CNKSR2: variants seen among roughly 807,000 people sequenced by gnomAD.
The protein encoded by CNKSR2 is CNK homolog protein 2.
Under a neutral mutation model 84.4 loss-of-function variants are expected in CNKSR2, and 14 were observed. The observed-to-expected ratio is 0.17, with a 90% CI of 0.11 to 0.26. The LOEUF is 0.26. Among genes scored for constraint, CNKSR2 ranks in the 10% least tolerant of loss-of-function variants. The pLI, the probability that CNKSR2 is intolerant of heterozygous loss-of-function variation, is 1.00. For missense variants in CNKSR2, 485 were observed against 771.2 expected, an observed-to-expected ratio of 0.63 and a Z score of 4.40; for synonymous variants, 275 against 277.9, an observed-to-expected ratio of 0.99 and a Z score of 0.10.
intron 7 of CNKSR2, among the ~76,000 whole-genome samples, chrX:21,500,980 T>C (rs1390286454): frequency 8.9e-6 from 1 of 111,763 alleles, no homozygotes; most frequent in Non-Finnish European, 1.9e-5. Flanking sequence ...ATGAAATAAA[T>C]TAGCAATTTA....
chrX:21,531,806 C>T, intron 10 of CNKSR2, 50 bp from the exon 11 acceptor site: 8 of 890,593 alleles, frequency 9.0e-6, no homozygotes, highest in Non-Finnish European at 1.3e-5. Context: ...CGGCCATTTA[C>T]TACCCTAACA....
rs1041737404 is a variant in CNKSR2 at position 21,447,555 on chromosome X, G to A, written c.519+6774G>A. Among the ~76,000 whole-genome samples, 10 of 111,198 alleles carry A rather than the reference G, an allele frequency of 9.0e-5. No individual in the cohort carries two copies. In the East Asian group the frequency reaches 2.8e-3, roughly 32 times the overall value. On this transcript the variant is annotated intron_variant, in intron 4 of 21. Transcript: ENST00000379510. The stretch of plus-strand genomic sequence containing the variant: ...ATACAGATGTAGAAAGGTGGGTTAG[G>A]CTATTTTTGATCCTCATGAGTGATA...
chrX:21,532,133 A>C, intron 11 of CNKSR2, 66 bp downstream of exon 11: 1 of 875,078 alleles, frequency 1.1e-6, no homozygotes, highest in African/African-American at 2.0e-5. Context: ...AATTTCCTTT[A>C]ATAAGTTTTT....
At chrX:21,494,042 T>C (rs920676390) in intron 6 of CNKSR2, 3 of 111,545 alleles carry the variant, frequency 2.7e-5, no homozygotes, top group Non-Finnish European at 5.6e-5. Flanking sequence ...TTAATATAAA[T>C]TGTACAATGT....
rs779720741 is a variant in CNKSR2, at chrX:21,609,536, G to A, written c.2611G>A (p.Val871Met). ...PVSACDPQDD[V>M]QPPEVEEEEE... Reference sequence around the variant, plus strand: ...TAGTGCCTGTGACCCACAGGATGACGTGCAACCCCCAGAGGTGGAGGAAGA... The same window carrying A: ...TAGTGCCTGTGACCCACAGGATGACATGCAACCCCCAGAGGTGGAGGAAGA... Residue 871 changes from valine (V) to methionine (M), a missense_variant, in exon 20 of 22, where the codon GTG becomes ATG. Val to Met is a conservative substitution (Grantham distance 21, BLOSUM62 1). This residue lies in a region of CNKSR2 where 210 missense variants were observed against 291.5 expected (regional missense o/e 0.72). Coordinates refer to ENST00000379510, the MANE Select transcript of CNKSR2 (RefSeq NM_014927.5). The A allele has an allele frequency of 1.8e-5, 22 of 1,208,564 alleles. No homozygotes were observed. In the Admixed American group the frequency reaches 2.6e-4, roughly 14 times the overall value.
chrX:21,537,761 T>A (rs2147134487), intron 11 of CNKSR2: 1 of 109,685 alleles, frequency 9.1e-6, no homozygotes, highest in African/African-American at 3.3e-5. Flanking sequence ...GTGAGCTTCT[T>A]GTATGCAGTA....
intron 11 of CNKSR2, among the ~76,000 whole-genome samples, chrX:21,536,583 C>T (rs951412326): frequency 2.7e-5 from 3 of 110,013 alleles, no homozygotes; most frequent in Admixed American, 9.7e-5. Flanking sequence ...TTTTATTTCT[C>T]CTTGATTCAA....
chrX:21,513,097 G>A (rs1191617357), intron 8 of CNKSR2, among the ~76,000 whole-genome samples: 2 of 112,124 alleles, frequency 1.8e-5, no homozygotes, highest in East Asian at 2.8e-4. Flanking sequence ...CGATTATTCG[G>A]TAGCTATTAA....
chrX:21,395,619 A>G (rs974137528), intron 1 of CNKSR2, among the ~76,000 whole-genome samples: 4 of 110,871 alleles, frequency 3.6e-5, no homozygotes, highest in Non-Finnish European at 7.6e-5. Context: ...AGGGCAAATT[A>G]TTTGGGTTTC....
chrX:21,422,183 T>C (rs1055983885), intron 1 of CNKSR2: 1 of 111,897 alleles, frequency 8.9e-6, no homozygotes, highest in Non-Finnish European at 1.9e-5. Flanking sequence ...TGGATGCTTA[T>C]GGAATTTCCC....
chrX:21,414,602 G>A (rs1022985246), intron 1 of CNKSR2, among the ~76,000 whole-genome samples: 2 of 111,271 alleles, frequency 1.8e-5, no homozygotes, highest in Admixed American at 9.6e-5. Flanking sequence ...TTGGTTGCCT[G>A]TGATTGTGGG....
intron 6 of CNKSR2, among the ~76,000 whole-genome samples, chrX:21,496,391 T>TATTA (rs1318503347): frequency 8.9e-6 from 1 of 111,941 alleles, no homozygotes; most frequent in Non-Finnish European, 1.9e-5. Flanking sequence ...TAAGGCTGAA[T>TATTA]ATTACCATGT....
chrX:21,551,268 G>C (rs1476667134), intron 11 of CNKSR2, among the ~76,000 whole-genome samples: 6 of 111,526 alleles, frequency 5.4e-5, no homozygotes, highest in Non-Finnish European at 1.1e-4. Flanking sequence ...TAATGTAGAT[G>C]ATGGGTTGAT....
intron 20 of CNKSR2, among the ~76,000 whole-genome samples, chrX:21,648,497 C>A (rs1334287048): frequency 9.0e-6 from 1 of 111,283 alleles, no homozygotes; most frequent in Non-Finnish European, 1.9e-5. Flanking sequence ...TATTCTAATT[C>A]TTTGAACTTG....
intron 8 of CNKSR2, among the ~76,000 whole-genome samples, chrX:21,502,093 A>G (rs1302480562): frequency 9.4e-6 from 1 of 105,846 alleles, no homozygotes; most frequent in Non-Finnish European, 2.0e-5. Flanking sequence ...TAGCTGAATT[A>G]GCTTTTTATT....
At chrX:21,599,428 C>T (rs1569266722) in intron 17 of CNKSR2, among the ~76,000 whole-genome samples, 2 of 106,295 alleles carry the variant, frequency 1.9e-5, no homozygotes, top group East Asian at 6.0e-4. Flanking sequence ...TGCAGTGGCA[C>T]GATGTCAGCT....
chrX:21,425,545 A>G (rs1221451462), intron 1 of CNKSR2: 2 of 110,957 alleles, frequency 1.8e-5, no homozygotes, highest in Admixed American at 1.9e-4. Flanking sequence ...TGTTTTTTCT[A>G]TTCTCTTATA....
intron 17 of CNKSR2, among the ~76,000 whole-genome samples, chrX:21,596,418 T>C (rs936761194): frequency 1.8e-5 from 2 of 111,568 alleles, no homozygotes; most frequent in Non-Finnish European, 3.8e-5. Flanking sequence ...TAAATAAGCA[T>C]ACATAAAGGA....
intron 13 of CNKSR2, among the ~76,000 whole-genome samples, chrX:21,589,257 C>T (rs920917308): frequency 4.5e-5 from 5 of 111,709 alleles, no homozygotes; most frequent in Non-Finnish European, 9.4e-5. Flanking sequence ...GATACACATC[C>T]GTAGTACTAT....
Sources: allele counts gnomAD v4.1 joint callset (sites outside exome capture counted in the v4.1 genomes callset), GRCh38; gene constraint gnomAD v4.1.1; regional missense constraint gnomAD v4.1.1; transcripts MANE v1.5; gene names NCBI Gene and HGNC (gene_info 2026-07-23, HGNC 2026-07-21).